The following NCAM1 variants were observed in gnomAD, a reference collection of about 807,000 sequenced individuals.
NCAM1 encodes the protein neural cell adhesion molecule 1, also known as antigen recognized by monoclonal antibody 5.1H11.
NCAM1 carries 14 observed loss-of-function variants against 109.8 expected under a neutral mutation model. The observed-to-expected ratio is 0.13, with a 90% CI of 0.08 to 0.20. The LOEUF (loss-of-function observed/expected upper bound fraction) is 0.20, where lower values mean the gene tolerates loss of function less well. Among genes scored for constraint, NCAM1 ranks in the 10% least tolerant of loss-of-function variants. The probability of loss-of-function intolerance (pLI) is 1.00; values close to 1 mark genes in which losing one functional copy is unlikely to be tolerated. For missense variants in NCAM1, 774 were observed against 1,109.9 expected, an observed-to-expected ratio of 0.70 and a Z score of 4.30; for synonymous variants, 418 against 442.9, an observed-to-expected ratio of 0.94 and a Z score of 0.70.
chr11:113,254,955 G>A (rs562767663), intron 15 of NCAM1, among the ~76,000 whole-genome samples: 1 of 152,202 alleles, frequency 6.6e-6, no homozygotes, highest in Admixed American at 6.5e-5. Flanking sequence ...GTAAATGAGT[G>A]CCTTACTCAC....
At chr11:113,267,918 A>G (rs1478713503) in intron 17 of NCAM1, among the ~76,000 whole-genome samples, 6 of 152,230 alleles carry the variant, frequency 3.9e-5, no homozygotes, top group African/African-American at 1.4e-4. Context: ...ATATTTACAC[A>G]TAAACCTCAG....
chr11:113,225,932 G>A (rs1269849043), intron 9 of NCAM1, among the ~76,000 whole-genome samples: 1 of 152,148 alleles, frequency 6.6e-6, no homozygotes, highest in Non-Finnish European at 1.5e-5. Flanking sequence ...CCTGAAGGAA[G>A]CACTAAACAT....
intron 1 of NCAM1, among the ~76,000 whole-genome samples, chr11:113,011,106 TC>T (rs1555074300): frequency 3.2e-5 from 3 of 93,802 alleles, no homozygotes; most frequent in African/African-American, 4.2e-5. Flanking sequence ...GTGCTATCCC[TC>T]CCCCCTCCCC....
intron 1 of NCAM1, among the ~76,000 whole-genome samples, chr11:113,123,251 C>A (rs781914716): frequency 6.6e-6 from 1 of 152,010 alleles, no homozygotes; most frequent in Non-Finnish European, 1.5e-5. Context: ...ACGTTCCTGG[C>A]GATGGATAAT....
At chr11:113,086,809 T>TA (rs1229081276) in intron 1 of NCAM1, among the ~76,000 whole-genome samples, 26 of 151,194 alleles carry the variant, frequency 1.7e-4, no homozygotes, top group African/African-American at 2.9e-4. Flanking sequence ...TTTGGCAACT[T>TA]AAAAAAAAAT....
intron 1 of NCAM1, among the ~76,000 whole-genome samples, chr11:113,185,079 T>TATATATATATATATATATATATATAGAG: frequency 6.4e-5 from 8 of 125,740 alleles, no homozygotes; most frequent in East Asian, 2.9e-4. Flanking sequence ...TATATATATA[T>TATATATATATATATATATATATATAGAG]AGAGAGAGAG....
intron 1 of NCAM1, among the ~76,000 whole-genome samples, chr11:113,123,047 G>A (rs967538268): frequency 6.6e-6 from 1 of 152,158 alleles, no homozygotes; most frequent in Non-Finnish European, 1.5e-5. Flanking sequence ...GGTTACCAGA[G>A]GCAGGGAAGG....
intron 1 of NCAM1, among the ~76,000 whole-genome samples, chr11:113,096,125 G>T (rs530226832): frequency 6.6e-6 from 1 of 152,286 alleles, no homozygotes; most frequent in South Asian, 2.1e-4. Flanking sequence ...TGGGGTCACA[G>T]AGCAAAGGAT....
intron 1 of NCAM1, among the ~76,000 whole-genome samples, chr11:113,182,334 G>A (rs1455796168): frequency 6.6e-6 from 1 of 152,122 alleles, no homozygotes; most frequent in Non-Finnish European, 1.5e-5. Context: ...TCTTCCTGCC[G>A]GTCAAGCAGG....
Position 113,270,407 on chromosome 11 carries a change from C to G in NCAM1, c.2339+12C>G. ...AAGGCCGCCTTCTCGTGAGTGCAGA[C>G]CTGTCCACCTTGCTGAGGTTTGGGC... On this transcript the variant is annotated intron_variant, in intron 18 of 19. Coordinates refer to ENST00000316851, the MANE Select transcript of NCAM1 (RefSeq NM_181351.5). The G allele has an allele frequency of 6.2e-7, 1 of 1,613,678 alleles. No individual in the cohort carries two copies. The highest frequency in any genetic ancestry group is 8.5e-7 in the Non-Finnish European group (1 of 1,179,668).
chr11:113,056,721 C>T (rs547425973), intron 1 of NCAM1, among the ~76,000 whole-genome samples: 6 of 152,296 alleles, frequency 3.9e-5, no homozygotes, highest in African/African-American at 1.4e-4. Context: ...TCAGATGAGA[C>T]TACAGCCCTG....
chr11:113,122,026 A>G lies in NCAM1; in HGVS notation c.53-80353A>G, dbSNP rs529421562. Among the ~76,000 whole-genome samples the G allele has an allele frequency of 2.0e-4, 31 of 152,276 alleles. No homozygotes were observed. In the South Asian group the frequency reaches 6.2e-3, roughly 31 times the overall value. On this transcript the variant is annotated intron_variant, in intron 1 of 19. Coordinates refer to ENST00000316851, the MANE Select transcript of NCAM1 (RefSeq NM_181351.5). ...TGGATGGAATCAGTGAAGAAAGCAAACACCATGGAGGCAGAAAGGGGGTAA... is the reference window on the plus strand; with the variant it reads ...TGGATGGAATCAGTGAAGAAAGCAAGCACCATGGAGGCAGAAAGGGGGTAA...
intron 1 of NCAM1, among the ~76,000 whole-genome samples, chr11:113,013,426 CA>C (rs34001751): frequency 0.45 from 42,450 of 95,122 alleles, 5,243 homozygotes; most frequent in Middle Eastern, 0.54. Context: ...GACTCTGTCT[CA>C]AAAAAAAAAA....
chr11:113,202,249 T>G, intron 1 of NCAM1, 130 bp from the exon 2 acceptor site: 1 of 927,442 alleles, frequency 1.1e-6, no homozygotes, highest in Non-Finnish European at 1.6e-6. Context: ...TTTCTTAAAG[T>G]CAGTTGGGAA....
At chr11:113,225,079 T>C (rs1359771852) in intron 9 of NCAM1, among the ~76,000 whole-genome samples, 1 of 152,216 alleles carries the variant, frequency 6.6e-6, no homozygotes, top group African/African-American at 2.4e-5. Context: ...CAAAGCTGGA[T>C]GGAGAATGAC....
chr11:113,123,213 A>C (rs2136054385), intron 1 of NCAM1, among the ~76,000 whole-genome samples: 1 of 151,864 alleles, frequency 6.6e-6, no homozygotes, highest in South Asian at 2.1e-4. Flanking sequence ...AGAAGATTTG[A>C]AATATTCCCA....
intron 1 of NCAM1, among the ~76,000 whole-genome samples, chr11:113,153,421 G>T (rs1176037036): frequency 6.6e-6 from 1 of 151,452 alleles, no homozygotes; most frequent in Non-Finnish European, 1.5e-5. Context: ...CTGGGATTTG[G>T]CAGTGGGGAG....
chr11:113,073,817 G>T (rs1938404900), intron 1 of NCAM1, among the ~76,000 whole-genome samples: 1 of 152,176 alleles, frequency 6.6e-6, no homozygotes, highest in African/African-American at 2.4e-5. Context: ...TATTTCTTCT[G>T]ATCAATTCAT....
chr11:113,191,643 T>C (rs1179440424), intron 1 of NCAM1, among the ~76,000 whole-genome samples: 1 of 152,160 alleles, frequency 6.6e-6, no homozygotes, highest in Non-Finnish European at 1.5e-5. Context: ...ACCTATCTTA[T>C]AGGATTGTTG....
Sources: gnomAD v4.1 joint callset for allele counts (sites outside exome capture counted in the v4.1 genomes callset) on GRCh38, gnomAD v4.1.1 for gene constraint, MANE v1.5 for transcripts, NCBI Gene and HGNC (gene_info 2026-07-23, HGNC 2026-07-21) for gene names.